Variants in SATB2 observed in about 807,000 individuals in gnomAD.
SATB2 encodes the protein DNA-binding protein SATB2.
In SATB2, 1 loss-of-function variant was observed where a neutral mutation model predicts 73.4. The observed-to-expected ratio is 0.01, with a 90% CI of 0.00 to 0.06. The LOEUF is 0.06. Ranked by LOEUF, SATB2 falls within the 10% of genes least tolerant of loss-of-function variation. The pLI is 1.00. For synonymous variants in SATB2, 397 were observed against 367.0 expected, an observed-to-expected ratio of 1.08 and a Z score of -0.93; for missense variants, 459 against 945.8, an observed-to-expected ratio of 0.49 and a Z score of 6.75.
chr2:199,282,664 T>C (rs932687749), intron 10 of SATB2, among the ~76,000 whole-genome samples: 1 of 152,178 alleles, frequency 6.6e-6, no homozygotes. Context: ...CAATTAGTAG[T>C]AGTTATTACA....
intron 6 of SATB2, among the ~76,000 whole-genome samples, chr2:199,353,148 CTTTTTTTTTTT>C (rs11369554): frequency 1.1e-5 from 1 of 88,014 alleles, no homozygotes. Context: ...ACGTTTTTGT[CTTTTTTTTTTT>C]TTTTTTTTTT....
At chr2:199,333,106 T>A (rs914773299) in intron 7 of SATB2, among the ~76,000 whole-genome samples, 11 of 151,940 alleles carry the variant, frequency 7.2e-5, no homozygotes, top group Non-Finnish European at 1.3e-4. Context: ...CTAAATCCAT[T>A]ATCTCCCATT....
At chr2:199,382,517 T>C (rs1429859522) in intron 3 of SATB2, among the ~76,000 whole-genome samples, 1 of 152,120 alleles carries the variant, frequency 6.6e-6, no homozygotes, top group Non-Finnish European at 1.5e-5. Context: ...TAAACATGCA[T>C]AACAATGAAA....
At chr2:199,346,118 A>G (rs189960312) in intron 7 of SATB2, among the ~76,000 whole-genome samples, 33 of 152,148 alleles carry the variant, frequency 2.2e-4, no homozygotes, top group East Asian at 1.5e-3. Context: ...AGAAAATCCC[A>G]ACCATTAACA....
intron 9 of SATB2, among the ~76,000 whole-genome samples, chr2:199,310,766 A>G (rs1017418005): frequency 6.6e-6 from 1 of 152,218 alleles, no homozygotes; most frequent in Admixed American, 6.5e-5. Flanking sequence ...TGCATCTGTT[A>G]AAAGAAGAAG....
intron 2 of SATB2, among the ~76,000 whole-genome samples, chr2:199,436,738 G>T (rs1691663755): frequency 6.6e-6 from 1 of 151,992 alleles, no homozygotes; most frequent in Non-Finnish European, 1.5e-5. Context: ...TTGAGGTCAA[G>T]TGTAGAAAGA....
intron 5 of SATB2, among the ~76,000 whole-genome samples, chr2:199,370,935 T>C (rs1689426752): frequency 1.9e-5 from 2 of 105,790 alleles, no homozygotes; most frequent in African/African-American, 7.6e-5. Flanking sequence ...AGGTTTCAAC[T>C]ATGAACTGAG....
At chr2:199,424,708 A>G (rs1222181798) in intron 3 of SATB2, among the ~76,000 whole-genome samples, 1 of 152,204 alleles carries the variant, frequency 6.6e-6, no homozygotes, top group East Asian at 1.9e-4. Flanking sequence ...CCAAAGGAAA[A>G]AAAGACAAAA....
chr2:199,462,048 C>T (rs1330973495), upstream of SATB2, among the ~76,000 whole-genome samples: 1 of 152,188 alleles, frequency 6.6e-6, no homozygotes, highest in Non-Finnish European at 1.5e-5. This position sits in a 1 kb window ranked among gnomAD's most constrained non-coding sequence, Gnocchi z 5.9. Flanking sequence ...TCTGAGGGCC[C>T]GGCATCCATC....
chr2:199,453,054 C>T (rs1388657831), intron 2 of SATB2, among the ~76,000 whole-genome samples: 1 of 151,976 alleles, frequency 6.6e-6, no homozygotes. Context: ...AAAGTAATGC[C>T]CCTTCTTTTA....
At chr2:199,386,337 G>A (rs1470342778) in intron 3 of SATB2, among the ~76,000 whole-genome samples, 1 of 152,152 alleles carries the variant, frequency 6.6e-6, no homozygotes, top group African/African-American at 2.4e-5. Context: ...TGCTCAACCG[G>A]TACTGGACTG....
intron 3 of SATB2, among the ~76,000 whole-genome samples, chr2:199,432,756 C>T (rs1243964479): frequency 6.6e-6 from 1 of 152,040 alleles, no homozygotes; most frequent in African/African-American, 2.4e-5. Flanking sequence ...AACGGGCTCC[C>T]CAGTATTGTA....
chr2:199,328,225 C>G (rs558190403), intron 8 of SATB2, among the ~76,000 whole-genome samples: 1 of 152,048 alleles, frequency 6.6e-6, no homozygotes, highest in Non-Finnish European at 1.5e-5. Context: ...ATCCTCTGAC[C>G]AACATGTTCA....
intron 2 of SATB2, among the ~76,000 whole-genome samples, chr2:199,454,775 G>A (rs1692225337): frequency 6.6e-6 from 1 of 152,108 alleles, no homozygotes; most frequent in African/African-American, 2.4e-5. Flanking sequence ...AACTCTTTAA[G>A]GAGGAATGAA....
In SATB2 at chr2:199,328,615, T is replaced by A. The variant is rs1430814714; in HGVS notation, c.1386+83A>T. The A allele has an allele frequency of 4.1e-6, 4 of 977,394 alleles. No homozygotes were observed. The South Asian group carries it at 5.2e-5, about 13-fold the overall frequency. The allele number at this position is 977,394 out of a possible 1,614,324, so 60.5% of individuals were successfully genotyped here. A position where few individuals can be genotyped will look rare whatever the true frequency, so the allele number is the denominator to read the frequency against. ...GAAATCCTTGAATTATGTCTCTCAA[T>A]GTTTGAGGGAAAACACAGTAACTAG... On this transcript the variant is annotated intron_variant, in intron 8 of 10. Transcript: ENST00000417098.
chr2:199,417,034 TCTCACACA>T (rs1691010698), intron 3 of SATB2, among the ~76,000 whole-genome samples: 1 of 70,926 alleles, frequency 1.4e-5, no homozygotes, highest in African/African-American at 4.8e-5. Context: ...AGACTCCGTC[TCTCACACA>T]CACACACACA....
intron 7 of SATB2, among the ~76,000 whole-genome samples, chr2:199,332,618 A>AT (rs1224258805): frequency 1.3e-5 from 2 of 152,198 alleles, no homozygotes; most frequent in Non-Finnish European, 1.5e-5. Flanking sequence ...TAATGCCCTT[A>AT]TTTTTTTCTA....
intron 9 of SATB2, among the ~76,000 whole-genome samples, chr2:199,314,362 A>T (rs958975150): frequency 6.6e-6 from 1 of 151,344 alleles, no homozygotes; most frequent in Non-Finnish European, 1.5e-5. Flanking sequence ...GTTTGAGAGA[A>T]GCACCAATTC....
chr2:199,396,110 T>G (rs1342756625), intron 3 of SATB2: 6 of 152,206 alleles, frequency 3.9e-5, no homozygotes, highest in Non-Finnish European at 8.8e-5. Flanking sequence ...TGACTTTACT[T>G]TGTATAAGTC....
Sources: allele counts gnomAD v4.1 joint callset (sites outside exome capture counted in the v4.1 genomes callset), GRCh38; gene constraint gnomAD v4.1.1; non-coding constraint Gnocchi (gnomAD v3.1); transcripts MANE v1.5; gene names NCBI Gene and HGNC (gene_info 2026-07-23, HGNC 2026-07-21).